Variants in ETV1 observed in about 807,000 individuals in gnomAD.
ETV1 encodes the protein ETS translocation variant 1.
Under a neutral mutation model 62.3 loss-of-function variants are expected in ETV1, and 27 were observed. The observed-to-expected ratio is 0.43, with a 90% confidence interval of 0.32 to 0.60. ETV1 has a LOEUF of 0.60. Ranked by LOEUF, ETV1 falls within the 20% of genes least tolerant of loss-of-function variation. ETV1 has a pLI of 0.06. For synonymous variants in ETV1, 222 were observed against 199.6 expected (o/e 1.11, Z -0.94); for missense variants, 605 against 605.8 (o/e 1.00, Z 0.01).
At chr7:13,984,929 T>TAA (rs67286902) in intron 5 of ETV1, among the ~76,000 whole-genome samples, 1 of 148,894 alleles carries the variant, frequency 6.7e-6, no homozygotes, top group Non-Finnish European at 1.5e-5. Flanking sequence ...AGTCAAAAGT[T>TAA]AAAAAAAAAG....
chr7:13,900,964 G>C, intron 12 of ETV1, 125 bp from the exon 13 acceptor site: 1 of 573,660 alleles, frequency 1.7e-6, no homozygotes, highest in Non-Finnish European at 3.0e-6. Flanking sequence ...AAGTAAAGTA[G>C]CAAGAGCTAT....
intron 13 of ETV1, 81 bp downstream of exon 13, chr7:13,900,657 A>G (rs1782317326): frequency 6.0e-6 from 6 of 992,296 alleles, no homozygotes; most frequent in Admixed American, 2.7e-5. Context: ...CAGCAATGCA[A>G]TGATATGTGG....
intron 12 of ETV1, among the ~76,000 whole-genome samples, chr7:13,905,908 TG>T (rs1422628505): frequency 6.6e-6 from 1 of 152,202 alleles, no homozygotes; most frequent in Non-Finnish European, 1.5e-5. Context: ...CTGTTGCCCT[TG>T]CATCCCTTTA....
chr7:13,917,420 T>C (rs62454577), intron 9 of ETV1, among the ~76,000 whole-genome samples: 26,751 of 151,486 alleles, frequency 0.18, 2,511 homozygotes, highest in South Asian at 0.3. Context: ...CGGGTTCAAG[T>C]GATTCTCCCG....
At chr7:13,969,518 T>A (rs1780656718) in intron 6 of ETV1, among the ~76,000 whole-genome samples, 1 of 152,132 alleles carries the variant, frequency 6.6e-6, no homozygotes, top group African/African-American at 2.4e-5. Context: ...TACAATTAAG[T>A]ATATGAGAAA....
Position 13,892,856 on chromosome 7 carries a change from A to C in ETV1, c.*3010T>G, listed in dbSNP as rs1016071859. 16 of 232,090 alleles carry C rather than the reference A, an allele frequency of 6.9e-5. No homozygotes were observed. The highest frequency in any genetic ancestry group is 1.1e-4 in the Non-Finnish European group (13 of 117,390). The allele number at this position is 232,090 out of a possible 1,614,324, so 14.4% of individuals were successfully genotyped here. ...ATCTCCCCTGGAGCCTCCAGAAGGA[A>C]CCAGACCTAAGGACATCTTGGTTTT... On this transcript the variant is annotated 3_prime_UTR_variant, in exon 14 of 14. Coordinates refer to ENST00000430479, the MANE Select transcript of ETV1 (RefSeq NM_004956.5).
At position 13,962,180 on chromosome 7, in the gene ETV1, TACAC is replaced by T. The variant is rs113827897; in HGVS notation, c.235+15243_235+15246del. The stretch of plus-strand genomic sequence containing the variant: ...TCACATAAACATATACAATGTTATG[TACAC>T]ACACACACACACACACACGTGTGTG... On this transcript the variant is annotated intron_variant, in intron 6 of 13. Coordinates refer to ENST00000430479, the MANE Select transcript of ETV1 (RefSeq NM_004956.5). 8.4e-3 allele frequency among the ~76,000 whole-genome samples: 1,242 copies of T among 147,792 alleles called. 7 individuals are homozygous for T. The highest frequency in any genetic ancestry group is 0.013 in the Non-Finnish European group (898 of 66,698).
At position 13,906,548 on chromosome 7, in the gene ETV1, C is replaced by T. The variant is rs1419836219; in HGVS notation, c.992G>A (p.Arg331Gln). Reference protein sequence around the residue: ...GMYREGPTYQRRGSLQLWQFL... With the variant: ...GMYREGPTYQQRGSLQLWQFL... ...CTGCCAGAGCTGAAGTGATCCTCGCCGTTGGTATGTGGGTCCTTCCCGATA... is the reference window on the plus strand; with the variant it reads ...CTGCCAGAGCTGAAGTGATCCTCGCTGTTGGTATGTGGGTCCTTCCCGATA... Residue 331 changes from arginine to glutamine, a missense_variant, in exon 12 of 14, where the codon CGG (arginine) becomes CAG (glutamine). Physicochemically the swap from Arg to Gln is conservative, Grantham distance 43 (BLOSUM62 1). This residue lies in a region of ETV1 where 100 missense variants were observed against 156.4 expected (regional missense o/e 0.64). Transcript: ENST00000430479. 4 of 1,612,312 alleles carry T rather than the reference C, an allele frequency of 2.5e-6. No homozygotes were observed. Among genetic ancestry groups the T allele is most frequent in the African/African-American group, 1.3e-5 (1 of 74,864 alleles).
chr7:13,947,595 T>C (rs560769270), intron 6 of ETV1, among the ~76,000 whole-genome samples: 1 of 152,326 alleles, frequency 6.6e-6, no homozygotes, highest in Admixed American at 6.5e-5. Context: ...CATTAAGAAT[T>C]AGAGCCCTGG....
intron 11 of ETV1, among the ~76,000 whole-genome samples, chr7:13,906,822 G>A (rs1783018653): frequency 6.6e-6 from 1 of 152,072 alleles, no homozygotes; most frequent in Non-Finnish European, 1.5e-5. Flanking sequence ...TAACACAGGT[G>A]CAGAATAAAT....
In ETV1 at chr7:13,983,058, T is replaced by C. The variant is rs112480282; in HGVS notation, c.181+3580A>G. ...AAGGAAAAAACCCTTATTCGTATGA[T>C]GTAATAAGCTTTGCTGTAGAAAGGT... On this transcript the variant is annotated intron_variant, in intron 5 of 13. Coordinates refer to ENST00000430479, the MANE Select transcript of ETV1 (RefSeq NM_004956.5). Among the ~76,000 whole-genome samples the C allele has an allele frequency of 4.7e-4, 71 of 152,108 alleles. 2 individuals carry two copies. Among genetic ancestry groups the C allele is most frequent in the African/African-American group, 1.5e-3 (64 of 41,504 alleles).
In ETV1 at chr7:13,972,295, G is replaced by C. The variant is rs192965708; in HGVS notation, c.235+5132C>G. Among the ~76,000 whole-genome samples, 865 of 152,130 alleles carry C rather than the reference G, an allele frequency of 5.7e-3. 7 individuals carry two copies. The highest frequency in any genetic ancestry group is 0.02 in the African/African-American group (819 of 41,520). On this transcript the variant is annotated intron_variant, in intron 6 of 13. Transcript: ENST00000430479. ...TAAAATACAAAAATTGGCCGGGCATGGTGGTGCGTGCCTGTAGTCCCAGCT... is the reference window on the plus strand; with the variant it reads ...TAAAATACAAAAATTGGCCGGGCATCGTGGTGCGTGCCTGTAGTCCCAGCT...
In ETV1 at chr7:13,893,981, A is replaced by G. The variant is rs1029364855; in HGVS notation, c.*1885T>C. ...GTACTTTTTGTAGGATTAAATGTGA[A>G]GAGTAGCAATTTTGGTGTTTGGGTT... On this transcript the variant is annotated 3_prime_UTR_variant, in exon 14 of 14. Transcript: ENST00000430479. The G allele has an allele frequency of 8.6e-6, 2 of 232,966 alleles. No homozygotes were observed. The highest frequency in any genetic ancestry group is 4.4e-5 in the African/African-American group (2 of 45,330). The allele number at this position is 232,966 out of a possible 1,614,324, so 14.4% of individuals were successfully genotyped here.
intron 6 of ETV1, among the ~76,000 whole-genome samples, chr7:13,975,682 G>A (rs1403126692): frequency 6.0e-5 from 9 of 149,188 alleles, no homozygotes. Flanking sequence ...GTAAGAAGGA[G>A]TGGTCAAGGG....
intron 6 of ETV1, among the ~76,000 whole-genome samples, chr7:13,970,326 A>ACACACACACACAC (rs1562698769): frequency 1.0e-4 from 14 of 138,478 alleles, no homozygotes; most frequent in African/African-American, 3.0e-4. Context: ...ACACACACAC[A>ACACACACACACAC]AAGCAGCAAC....
At chr7:13,897,885 T>C (rs567060054) in intron 13 of ETV1, among the ~76,000 whole-genome samples, 4 of 152,296 alleles carry the variant, frequency 2.6e-5, no homozygotes, top group Admixed American at 2.6e-4. Context: ...TTTGTTTTGT[T>C]TGGGGCTGTG....
chr7:13,988,200 A>G, intron 3 of ETV1, 27 bp from the exon 4 acceptor site: 3 of 1,487,402 alleles, frequency 2.0e-6, no homozygotes, highest in Non-Finnish European at 2.8e-6. Context: ...AAAATCCTTT[A>G]AAAGAATGTA....
chr7:13,910,229 T>C (rs978676360), intron 10 of ETV1, among the ~76,000 whole-genome samples: 2 of 14,532 alleles, frequency 1.4e-4, no homozygotes, highest in African/African-American at 6.2e-4. Flanking sequence ...AAAGTTTCCC[T>C]TTTTTTTTTT....
At chr7:13,943,752 T>C (rs973521400) in intron 6 of ETV1, among the ~76,000 whole-genome samples, 1 of 152,204 alleles carries the variant, frequency 6.6e-6, no homozygotes, top group African/African-American at 2.4e-5. Context: ...TATATCTTGC[T>C]GGAAACATTT....
Sources: gnomAD v4.1 joint callset for allele counts (sites outside exome capture counted in the v4.1 genomes callset) on GRCh38, gnomAD v4.1.1 for gene constraint, gnomAD v4.1.1 regional missense constraint, MANE v1.5 for transcripts, NCBI Gene and HGNC (gene_info 2026-07-23, HGNC 2026-07-21) for gene names.